Variants in CDK5 observed in about 807,000 individuals in gnomAD.
CDK5 encodes the protein cyclin dependent kinase 5, also known as cyclin-dependent kinase 5.
A neutral mutation model predicts 44.6 loss-of-function variants in CDK5; 18 were observed. That is an observed-to-expected ratio of 0.40 (90% CI 0.28 to 0.60). The LOEUF (loss-of-function observed/expected upper bound fraction) is 0.60, where lower values mean the gene tolerates loss of function less well. Ranked by LOEUF, CDK5 falls within the 20% of genes least tolerant of loss-of-function variation. CDK5 has a pLI of 0.38. For synonymous variants in CDK5, 143 were observed against 152.8 expected (o/e 0.94, Z 0.47); for missense variants, 198 against 368.1 (o/e 0.54, Z 3.78).
chr7:151,055,010 G>C lies in CDK5; in HGVS notation c.650+17C>G. 1 of 1,613,438 alleles carries C rather than the reference G, an allele frequency of 6.2e-7. No homozygotes were observed. The highest frequency in any genetic ancestry group is 8.5e-7 in the Non-Finnish European group (1 of 1,179,520). ...CTCCCCTCCCAGAGGGCTCAAGGCA[G>C]AGGAAAGCAAGGATATCGGAAGATC... is the stretch of plus-strand genomic sequence containing the variant. On this transcript the variant is annotated intron_variant, in intron 9 of 11. Transcript: ENST00000485972.
At position 151,054,069 on chromosome 7, in the gene CDK5, C is replaced by T. The variant is rs1183008801; in HGVS notation, c.819G>A (p.Gln273=). The T allele has an allele frequency of 6.2e-7, 1 of 1,602,618 alleles. No homozygotes were observed. The highest frequency in any genetic ancestry group is 8.5e-7 in the Non-Finnish European group (1 of 1,174,702). Residue 273 remains glutamine, a synonymous_variant, in exon 12 of 12, where the codon CAG becomes CAA. Transcript: ENST00000485972. The surrounding 1 kb of genome is among the most constrained non-coding windows in gnomAD (Gnocchi z 5.7). ...LQNLLKCNPV[Q]RISAEEALQH... Reference sequence around the variant, plus strand: ...GCAGGGCCTCTTCTGCTGAGATACGCTGGACAGGGTTACACTTCAGAAGGT... The same window carrying T: ...GCAGGGCCTCTTCTGCTGAGATACGTTGGACAGGGTTACACTTCAGAAGGT...
At position 151,057,553 on chromosome 7, in the gene CDK5, G is replaced by A; in HGVS notation, c.37+259C>T. 3.3e-6 allele frequency: 2 copies of A among 609,170 alleles called. No individual in the cohort carries two copies. Among genetic ancestry groups the A allele is most frequent in the East Asian group, 2.8e-5 (1 of 36,160 alleles). The allele number at this position is 609,170 out of a possible 1,614,324, so 37.7% of individuals were successfully genotyped here. A position where few individuals can be genotyped will look rare whatever the true frequency, so the allele number is the denominator to read the frequency against. ...GTTGTCCAAGTGCTGCTGAGGCTGGGGTGAGAAATTTCAGGAAGTGTCGCG... is the reference window on the plus strand; with the variant it reads ...GTTGTCCAAGTGCTGCTGAGGCTGGAGTGAGAAATTTCAGGAAGTGTCGCG... On this transcript the variant is annotated intron_variant, in intron 1 of 11. Transcript: ENST00000485972. The surrounding 1 kb of genome is among the most constrained non-coding windows in gnomAD (Gnocchi z 5.2).
Position 151,054,520 on chromosome 7 carries a change from G to T in CDK5, c.651-55C>A. 1 of 1,521,958 alleles carries T rather than the reference G, an allele frequency of 6.6e-7. No individual in the cohort carries two copies. Among genetic ancestry groups the T allele is most frequent in the Non-Finnish European group, 9.0e-7 (1 of 1,109,662 alleles). 94.3% of individuals were successfully genotyped at this position (1,521,958 alleles called of 1,614,324 possible). On this transcript the variant is annotated intron_variant, in intron 9 of 11. Transcript: ENST00000485972. The surrounding 1 kb of genome is among the most constrained non-coding windows in gnomAD (Gnocchi z 5.7). ...AAGGGCCACAGCTGCATCTTCAGGG[G>T]CAGGGTGAGGGCCTCTTCCCCTCCT...
At position 151,053,994 on chromosome 7, in the gene CDK5, C is replaced by T. The variant is rs79627316; in HGVS notation, c.*15G>A. ...ATAGGCCAGGCCCCAGCCTGGAGGC[C>T]GGGGGTCCCGGGGCCTAGGGCGGAC... is the stretch of plus-strand genomic sequence containing the variant. On this transcript the variant is annotated 3_prime_UTR_variant, in exon 12 of 12. Transcript: ENST00000485972. 1.1e-3 allele frequency: 1,770 copies of T among 1,571,696 alleles called. 5 individuals are homozygous for T. Among genetic ancestry groups the T allele is most frequent in the Non-Finnish European group, 1.3e-3 (1,530 of 1,158,724 alleles).
At chr7:151,055,147 C>A in intron 8 of CDK5, 51 bp from the exon 9 acceptor site, 1 of 1,585,564 alleles carries the variant, frequency 6.3e-7, no homozygotes. Context: ...ACCCCTCACT[C>A]TGAGGTACCC....
chr7:151,055,425 A>T (rs1393906033), intron 7 of CDK5, 52 bp from the exon 8 acceptor site: 3 of 1,549,884 alleles, frequency 1.9e-6, no homozygotes, highest in Non-Finnish European at 2.7e-6. Flanking sequence ...ACTGGGGAGG[A>T]GGTTTGAGGA....
At position 151,057,637 on chromosome 7, in the gene CDK5, G is replaced by A; in HGVS notation, c.37+175C>T. On this transcript the variant is annotated intron_variant, in intron 1 of 11. Coordinates refer to ENST00000485972, the MANE Select transcript of CDK5 (RefSeq NM_004935.4). The surrounding 1 kb of genome is among the most constrained non-coding windows in gnomAD (Gnocchi z 5.2). ...TTGGAGTGAGAGCCCTGCGGGAAAT[G>A]CTAACACGGGGAAGACTGGTGTCTG... The A allele has an allele frequency of 1.4e-6, 1 of 738,902 alleles. No individual in the cohort carries two copies. Among genetic ancestry groups the A allele is most frequent in the Non-Finnish European group, 2.4e-6 (1 of 424,104 alleles). The allele number at this position is 738,902 out of a possible 1,614,324, so 45.8% of individuals were successfully genotyped here. A position where few individuals can be genotyped will look rare whatever the true frequency, so the allele number is the denominator to read the frequency against.
intron 8 of CDK5, 70 bp from the exon 9 acceptor site, chr7:151,055,166 T>G (rs1796870018): frequency 6.4e-7 from 1 of 1,571,598 alleles, no homozygotes; most frequent in African/African-American, 1.3e-5. Context: ...CCCCTGACCT[T>G]CCAGCTCCAG....
chr7:151,056,716 C>T lies in CDK5; in HGVS notation c.255+20G>A, dbSNP rs1277113403. On this transcript the variant is annotated intron_variant, in intron 4 of 11. Coordinates refer to ENST00000485972, the MANE Select transcript of CDK5 (RefSeq NM_004935.4). This position sits in a 1 kb window ranked among gnomAD's most constrained non-coding sequence, Gnocchi z 4.7. ...CCTATACCTTCCCAAGGCTACTGTC[C>T]TCCAAACCCCGCCTTTCACCTGGTC... The T allele has an allele frequency of 6.2e-7, 1 of 1,612,692 alleles. No individual in the cohort carries two copies. The highest frequency in any genetic ancestry group is 1.1e-5 in the South Asian group (1 of 90,780).
chr7:151,055,920 T>C, intron 5 of CDK5, 72 bp from the exon 6 acceptor site: 1 of 989,666 alleles, frequency 1.0e-6, no homozygotes, highest in South Asian at 1.4e-5. Context: ...GGTCGGCTCC[T>C]CTCCTCACCC....
chr7:151,055,234 C>A, intron 8 of CDK5, 43 bp downstream of exon 8: 1 of 1,588,920 alleles, frequency 6.3e-7, no homozygotes, highest in South Asian at 1.1e-5. Context: ...TTTGTCAACT[C>A]AAATGGGAAA....
rs1796841784 is a variant in CDK5, at chr7:151,053,902, C to T, written c.*107G>A. On this transcript the variant is annotated 3_prime_UTR_variant, in exon 12 of 12. Coordinates refer to ENST00000485972, the MANE Select transcript of CDK5 (RefSeq NM_004935.4). Reference sequence around the variant, plus strand: ...CTCAGGCACCCCACCCCGGCTGGGCCCAGCACTGCTGGAGCACAGCGCACC... The same window carrying T: ...CTCAGGCACCCCACCCCGGCTGGGCTCAGCACTGCTGGAGCACAGCGCACC... 1 of 961,536 alleles carries T rather than the reference C, an allele frequency of 1.0e-6. No homozygotes were observed. The highest frequency in any genetic ancestry group is 1.6e-6 in the Non-Finnish European group (1 of 644,792). The allele number at this position is 961,536 out of a possible 1,614,324, so 59.6% of individuals were successfully genotyped here.
Position 151,057,250 on chromosome 7 carries a change from T to C in CDK5, c.38-90A>G. Reference sequence around the variant, plus strand: ...TCCTGAGAGAGGTGAAGGCAGCGTCTCAGTATGCAAGGGAAGGGATTCAGG... The same window carrying C: ...TCCTGAGAGAGGTGAAGGCAGCGTCCCAGTATGCAAGGGAAGGGATTCAGG... On this transcript the variant is annotated intron_variant, in intron 1 of 11. Coordinates refer to ENST00000485972, the MANE Select transcript of CDK5 (RefSeq NM_004935.4). This position sits in a 1 kb window ranked among gnomAD's most constrained non-coding sequence, Gnocchi z 5.2. 1 of 986,752 alleles carries C rather than the reference T, an allele frequency of 1.0e-6. No homozygotes were observed. Among genetic ancestry groups the C allele is most frequent in the Non-Finnish European group, 1.6e-6 (1 of 608,760 alleles). 61.1% of individuals were successfully genotyped at this position (986,752 alleles called of 1,614,324 possible). A position where few individuals can be genotyped will look rare whatever the true frequency, so the allele number is the denominator to read the frequency against.
rs1433711519 is a variant in CDK5 at position 151,056,605 on chromosome 7, C to T, written c.287G>A (p.Gly96Asp). The T allele has an allele frequency of 6.2e-7, 1 of 1,612,088 alleles. No homozygotes were observed. The highest frequency in any genetic ancestry group is 1.3e-5 in the African/African-American group (1 of 74,868). Reference sequence around the variant, plus strand: ...CTTTACAATCTCAGGATCGAGGTCACCATTGCAACTGTCAAAATACTTCTT... The same window carrying T: ...CTTTACAATCTCAGGATCGAGGTCATCATTGCAACTGTCAAAATACTTCTT... ...DLKKYFDSCN[G>D]DLDPEIVKSF... The change falls in exon 5 of 12, where the codon GGT becomes GAT. Residue 96 changes from glycine (G) to aspartate (D), a missense_variant. Gly to Asp is a moderately conservative substitution (Grantham distance 94, BLOSUM62 -1). This residue lies in a region of CDK5 where 53 missense variants were observed against 122.7 expected (regional missense o/e 0.43). Coordinates refer to ENST00000485972, the MANE Select transcript of CDK5 (RefSeq NM_004935.4). The surrounding 1 kb of genome is among the most constrained non-coding windows in gnomAD (Gnocchi z 4.7).
chr7:151,057,669 G>T lies in CDK5; in HGVS notation c.37+143C>A. ...CGGGGAAGACTGGTGTCTGCACGGA[G>T]TGCTGAGCTAGGGGGCCAGGGCTGC... On this transcript the variant is annotated intron_variant, in intron 1 of 11. Transcript: ENST00000485972. This position sits in a 1 kb window ranked among gnomAD's most constrained non-coding sequence, Gnocchi z 5.2. 2 of 858,026 alleles carry T rather than the reference G, an allele frequency of 2.3e-6. No individual in the cohort carries two copies. The highest frequency in any genetic ancestry group is 3.8e-6 in the Non-Finnish European group (2 of 523,150). 53.2% of individuals were successfully genotyped at this position (858,026 alleles called of 1,614,324 possible).
rs766622044 is a variant in CDK5, at chr7:151,054,985, C to CT, written c.650+41dup. On this transcript the variant is annotated intron_variant, in intron 9 of 11. Transcript: ENST00000485972. This position sits in a 1 kb window ranked among gnomAD's most constrained non-coding sequence, Gnocchi z 5.7. ...CATTGTGCTCAAAACTCCATGGACT[C>CT]TCCCCTCCCAGAGGGCTCAAGGCAG... The CT allele has an allele frequency of 1.0e-4, 166 of 1,600,088 alleles. No individual in the cohort carries two copies. Among genetic ancestry groups the CT allele is most frequent in the Middle Eastern group, 1.7e-4 (1 of 6,058 alleles).
At chr7:151,055,682 TCCTCTTC>T in intron 6 of CDK5, 64 bp downstream of exon 6, 1 of 1,532,920 alleles carries the variant, frequency 6.5e-7, no homozygotes. Context: ...ATCCTCCCAG[TCCTCTTC>T]CCTCTGTGCT....
Position 151,056,032 on chromosome 7 carries a change from G to C in CDK5, c.313-184C>G. The C allele has an allele frequency of 1.7e-6, 1 of 591,284 alleles. No homozygotes were observed. The highest frequency in any genetic ancestry group is 3.0e-6 in the Non-Finnish European group (1 of 330,732). The allele number at this position is 591,284 out of a possible 1,614,324, so 36.6% of individuals were successfully genotyped here. A position where few individuals can be genotyped will look rare whatever the true frequency, so the allele number is the denominator to read the frequency against. On this transcript the variant is annotated intron_variant, in intron 5 of 11. Transcript: ENST00000485972. This position sits in a 1 kb window ranked among gnomAD's most constrained non-coding sequence, Gnocchi z 4.7. The stretch of plus-strand genomic sequence containing the variant: ...TTTATACTGTGCTAGGCATTAGAGG[G>C]ACCAAAGTAAAGAAGCTGGCTCTGG...
At position 151,057,677 on chromosome 7, in the gene CDK5, C is replaced by T; in HGVS notation, c.37+135G>A. On this transcript the variant is annotated intron_variant, in intron 1 of 11. Transcript: ENST00000485972. The surrounding 1 kb of genome is among the most constrained non-coding windows in gnomAD (Gnocchi z 5.2). ...ACTGGTGTCTGCACGGAGTGCTGAGCTAGGGGGCCAGGGCTGCAGCCGCTG... is the reference window on the plus strand; with the variant it reads ...ACTGGTGTCTGCACGGAGTGCTGAGTTAGGGGGCCAGGGCTGCAGCCGCTG... 3.2e-6 allele frequency: 3 copies of T among 930,552 alleles called. No individual in the cohort carries two copies. The highest frequency in any genetic ancestry group is 2.8e-5 in the South Asian group (2 of 71,692). The allele number at this position is 930,552 out of a possible 1,614,324, so 57.6% of individuals were successfully genotyped here.
Sources: gnomAD v4.1 joint callset for allele counts on GRCh38, gnomAD v4.1.1 for gene constraint, gnomAD v4.1.1 regional missense constraint, Gnocchi (gnomAD v3.1) non-coding constraint, MANE v1.5 for transcripts, NCBI Gene and HGNC (gene_info 2026-07-23, HGNC 2026-07-21) for gene names.